EHMT1: variants seen among roughly 807,000 people sequenced by gnomAD.
EHMT1 encodes the protein histone-lysine N-methyltransferase EHMT1.
In EHMT1, 15 loss-of-function variants were observed where a neutral mutation model predicts 147.2. The observed-to-expected ratio is 0.10, with a 90% confidence interval of 0.07 to 0.16. The LOEUF (loss-of-function observed/expected upper bound fraction) is 0.16. EHMT1 is among the 10% of genes least tolerant of loss of function. The probability of loss-of-function intolerance (pLI) is 1.00; values close to 1 mark genes in which losing one functional copy is unlikely to be tolerated. For synonymous variants in EHMT1, 795 were observed against 709.6 expected (o/e 1.12, Z -1.91); for missense variants, 1,587 against 1,772.4 (o/e 0.90, Z 1.88).
intron 2 of EHMT1, among the ~76,000 whole-genome samples, chr9:137,713,238 A>G (rs1186149876): frequency 1.3e-5 from 2 of 149,078 alleles, no homozygotes; most frequent in African/African-American, 2.5e-5. Context: ...CTGGGACCAC[A>G]GGTGTGAGCC....
At chr9:137,822,544 C>A (rs1439710198) in intron 25 of EHMT1, among the ~76,000 whole-genome samples, 1 of 152,146 alleles carries the variant, frequency 6.6e-6, no homozygotes, top group Non-Finnish European at 1.5e-5. Flanking sequence ...GATGAAGAGC[C>A]TCTTTTCATA....
intron 18 of EHMT1, among the ~76,000 whole-genome samples, chr9:137,810,866 A>AT (rs927595530): frequency 6.7e-4 from 102 of 152,026 alleles, no homozygotes; most frequent in African/African-American, 2.3e-3. Context: ...CGCCCGGCTC[A>AT]TTTTTTGTAT....
intron 1 of EHMT1, among the ~76,000 whole-genome samples, chr9:137,633,018 C>T (rs892734459): frequency 1.8e-4 from 27 of 152,150 alleles, no homozygotes; most frequent in Admixed American, 1.0e-3. Flanking sequence ...AGGCAGCAAA[C>T]GCAGTCCTCA....
intron 3 of EHMT1, among the ~76,000 whole-genome samples, chr9:137,722,749 G>A (rs1420956438): frequency 6.6e-6 from 1 of 152,138 alleles, no homozygotes; most frequent in African/African-American, 2.4e-5. Flanking sequence ...TGGCGGTAGG[G>A]TGCCTGCCCT....
In EHMT1 at chr9:137,732,078, C is replaced by A. The variant is rs1333027563; in HGVS notation, c.823+3549C>A. 5.3e-5 allele frequency among the ~76,000 whole-genome samples: 8 copies of A among 152,250 alleles called. No homozygotes were observed. The highest frequency in any genetic ancestry group is 1.2e-4 in the Non-Finnish European group (8 of 68,048). ...CACAGTACGGGCTGGGGTGTGTTCC[C>A]AGCTCGTTCAGTTCTGCCGCTTTCG... is the stretch of plus-strand genomic sequence containing the variant. On this transcript the variant is annotated intron_variant, in intron 4 of 26. Coordinates refer to ENST00000460843, the MANE Select transcript of EHMT1 (RefSeq NM_024757.5). The surrounding 1 kb of genome is among the most constrained non-coding windows in gnomAD (Gnocchi z 4.6).
intron 1 of EHMT1, among the ~76,000 whole-genome samples, chr9:137,697,437 G>A (rs776520671): frequency 1.3e-5 from 2 of 152,198 alleles, no homozygotes; most frequent in Non-Finnish European, 2.9e-5. Flanking sequence ...GGGATCGGCC[G>A]GCCTGGCCTT....
At chr9:137,685,906 G>T (rs1353607456) in intron 1 of EHMT1, among the ~76,000 whole-genome samples, 1 of 152,064 alleles carries the variant, frequency 6.6e-6, no homozygotes, top group Non-Finnish European at 1.5e-5. Flanking sequence ...TGCCCATTTT[G>T]GAATTTGTCT....
Position 137,835,122 on chromosome 9 carries a change from G to A in EHMT1, c.*169G>A. ...GCAGCCCCTGCGGGCGGGTGTGGAT[G>A]CCTCCCAGCCACCTTCCCAGACCTG... On this transcript the variant is annotated 3_prime_UTR_variant, in exon 27 of 27. Coordinates refer to ENST00000460843, the MANE Select transcript of EHMT1 (RefSeq NM_024757.5). 1.3e-6 allele frequency: 1 copy of A among 747,402 alleles called. No individual in the cohort carries two copies. The highest frequency in any genetic ancestry group is 1.9e-6 in the Non-Finnish European group (1 of 524,634). 46.3% of individuals were successfully genotyped at this position (747,402 alleles called of 1,614,324 possible).
intron 18 of EHMT1, among the ~76,000 whole-genome samples, chr9:137,810,075 C>G (rs1386957259): frequency 7.8e-6 from 1 of 128,726 alleles, no homozygotes; most frequent in Non-Finnish European, 1.5e-5. Flanking sequence ...GTGATGGGTC[C>G]GGAGGCGGTT....
intron 18 of EHMT1, 93 bp downstream of exon 18, chr9:137,801,077 C>A: frequency 8.7e-7 from 1 of 1,146,214 alleles, no homozygotes; most frequent in Non-Finnish European, 1.3e-6. Flanking sequence ...AGAACCCTGG[C>A]ACCTGGTGGC....
chr9:137,649,579 T>A (rs1845159476), intron 1 of EHMT1, among the ~76,000 whole-genome samples: 1 of 152,078 alleles, frequency 6.6e-6, no homozygotes, highest in African/African-American at 2.4e-5. Flanking sequence ...TAATTAAGGA[T>A]CTTGAGATGA....
At chr9:137,619,081 GGGGCGGC>G in intron 1 of EHMT1, 32 bp downstream of exon 1, 1 of 788,266 alleles carries the variant, frequency 1.3e-6, no homozygotes, top group Non-Finnish European at 1.5e-6. Flanking sequence ...GGGCGGCGCG[GGGGCGGC>G]GGGCAGCGGC....
In EHMT1 at chr9:137,833,848, T is replaced by G. The variant is rs530424328; in HGVS notation, c.3541-501T>G. Among the ~76,000 whole-genome samples the G allele has an allele frequency of 1.1e-4, 16 of 152,344 alleles. No homozygotes were observed. In the East Asian group the frequency reaches 3.1e-3, roughly 29 times the overall value. ...GCCTGACGGTCCTCCCTGGTGCCAT[T>G]CGCCACTGAGTCTTCCCAGACCCTC... On this transcript the variant is annotated intron_variant, in intron 25 of 26. Transcript: ENST00000460843.
intron 25 of EHMT1, among the ~76,000 whole-genome samples, chr9:137,833,277 C>T: frequency 6.6e-6 from 1 of 152,250 alleles, no homozygotes; most frequent in Non-Finnish European, 1.5e-5. Context: ...CCTTCCCCGT[C>T]TGCCTGGCTG....
intron 1 of EHMT1, among the ~76,000 whole-genome samples, chr9:137,644,305 A>G: frequency 6.6e-6 from 1 of 151,786 alleles, no homozygotes; most frequent in Middle Eastern, 3.2e-3. Flanking sequence ...TGAGTTTCAT[A>G]TCACTCTTGA....
intron 7 of EHMT1, among the ~76,000 whole-genome samples, chr9:137,753,752 C>G (rs1949162856): frequency 6.6e-6 from 1 of 152,208 alleles, no homozygotes; most frequent in Non-Finnish European, 1.5e-5. Context: ...AGCCTCTGTC[C>G]TTGTTCTCTG....
intron 13 of EHMT1, 106 bp from the exon 14 acceptor site, chr9:137,779,529 T>G: frequency 1.1e-3 from 1,367 of 1,189,326 alleles, no homozygotes; most frequent in Non-Finnish European, 1.5e-3. Context: ...CGGAGCCCCA[T>G]GAGCTTGAGG....
intron 1 of EHMT1, among the ~76,000 whole-genome samples, chr9:137,706,229 T>A (rs1023472459): frequency 1.3e-5 from 2 of 152,158 alleles, no homozygotes; most frequent in African/African-American, 4.8e-5. Flanking sequence ...ATGCAGATGA[T>A]TTTTTTGGGA....
At chr9:137,655,675 C>G (rs942287858) in intron 1 of EHMT1, among the ~76,000 whole-genome samples, 2 of 152,216 alleles carry the variant, frequency 1.3e-5, no homozygotes, top group Non-Finnish European at 2.9e-5. Context: ...GCATCCCTGC[C>G]TGAGTTCTGC....
Sources: allele counts gnomAD v4.1 joint callset (sites outside exome capture counted in the v4.1 genomes callset), GRCh38; gene constraint gnomAD v4.1.1; non-coding constraint Gnocchi (gnomAD v3.1); transcripts MANE v1.5; gene names NCBI Gene and HGNC (gene_info 2026-07-23, HGNC 2026-07-21).